SEC61A2: variants seen among roughly 807,000 people sequenced by gnomAD.
SEC61A2 encodes protein transport protein Sec61 subunit alpha isoform 2.
A neutral mutation model predicts 59.9 loss-of-function variants in SEC61A2; 28 were observed. The ratio of observed to expected loss-of-function variants is 0.47; its 90% CI spans 0.35 to 0.64. The LOEUF is 0.64. Among genes scored for constraint, SEC61A2 ranks in the 30% least tolerant of loss-of-function variants. The pLI, the probability that SEC61A2 is intolerant of heterozygous loss-of-function variation, is 0.01. For missense variants in SEC61A2, 340 were observed against 585.9 expected (o/e 0.58, Z 4.33); for synonymous variants, 202 against 214.4 (o/e 0.94, Z 0.50).
At position 12,143,878 on chromosome 10, in the gene SEC61A2, G is replaced by A. The variant is rs948109706; in HGVS notation, c.220+683G>A. On this transcript the variant is annotated intron_variant, in intron 4 of 11. Transcript: ENST00000298428. This position sits in a 1 kb window ranked among gnomAD's most constrained non-coding sequence, Gnocchi z 4.8. ...TAGCAAGGGGTACAACCAGTCGTGA[G>A]GTTTCTTACATTTAGGAACAGTGGT... Among the ~76,000 whole-genome samples the A allele has an allele frequency of 6.6e-6, 1 of 152,152 alleles. No homozygotes were observed. The highest frequency in any genetic ancestry group is 2.4e-5 in the African/African-American group (1 of 41,424).
At position 12,152,169 on chromosome 10, in the gene SEC61A2, C is replaced by T. The variant is rs528777106; in HGVS notation, c.462+2208C>T. 7.0e-4 allele frequency among the ~76,000 whole-genome samples: 106 copies of T among 151,672 alleles called. No individual in the cohort carries two copies. The highest frequency in any genetic ancestry group is 2.3e-3 in the African/African-American group (93 of 41,322). ...TGCAATCTTGGCTCACTGCAACCTC[C>T]GCCTCCCAGGTTCAAGCAATTCTGC... On this transcript the variant is annotated intron_variant, in intron 6 of 11. Coordinates refer to ENST00000298428, the MANE Select transcript of SEC61A2 (RefSeq NM_018144.4). The surrounding 1 kb of genome is among the most constrained non-coding windows in gnomAD (Gnocchi z 5.5).
intron 1 of SEC61A2, chr10:12,130,635 T>C (rs921074186): frequency 6.5e-6 from 1 of 154,112 alleles, no homozygotes; most frequent in Admixed American, 6.6e-5. Context: ...TGGATTGAGG[T>C]GGAGAGGAAA....
Position 12,158,122 on chromosome 10 carries a change from TTTACA to T in SEC61A2, c.975+21_975+25del. The T allele has an allele frequency of 6.4e-7, 1 of 1,564,316 alleles. No homozygotes were observed. The highest frequency in any genetic ancestry group is 8.8e-7 in the Non-Finnish European group (1 of 1,137,796). Reference sequence around the variant, plus strand: ...CAGTGGGCCGTGAGTATTATGTTTATTTACATTATTTATAGTTTATTATAATTTGC... The same window carrying T: ...CAGTGGGCCGTGAGTATTATGTTTATTTATTTATAGTTTATTATAATTTGC... On this transcript the variant is annotated intron_variant, in intron 9 of 11. Transcript: ENST00000298428. The surrounding 1 kb of genome is among the most constrained non-coding windows in gnomAD (Gnocchi z 5.7).
intron 6 of SEC61A2, among the ~76,000 whole-genome samples, chr10:12,151,821 A>T (rs1834282332): frequency 6.6e-6 from 1 of 151,188 alleles, no homozygotes; most frequent in East Asian, 2.0e-4. Context: ...CAATGGTGCA[A>T]TCTCAGCTCG....
At position 12,137,106 on chromosome 10, in the gene SEC61A2, A is replaced by G. The variant is rs368821024; in HGVS notation, c.141+936A>G. On this transcript the variant is annotated intron_variant, in intron 3 of 11. Transcript: ENST00000298428. ...TTGTTTTTAAATAGAGACGGGGTCT[A>G]TGTTGCCCAGGCTGGTCTCCAGCTC... Among the ~76,000 whole-genome samples, 12 of 149,966 alleles carry G rather than the reference A, an allele frequency of 8.0e-5. No homozygotes were observed. In the East Asian group the frequency reaches 8.1e-4, roughly 10 times the overall value.
chr10:12,156,695 A>G lies in SEC61A2; in HGVS notation c.617-212A>G, dbSNP rs1294435573. ...TTCTTCAAGAATAGTCTCTTGAGAA[A>G]ACTTCGGATTTATGCTATAAAAACA... On this transcript the variant is annotated intron_variant, in intron 7 of 11. Coordinates refer to ENST00000298428, the MANE Select transcript of SEC61A2 (RefSeq NM_018144.4). This position sits in a 1 kb window ranked among gnomAD's most constrained non-coding sequence, Gnocchi z 5.2. Among the ~76,000 whole-genome samples, 1 of 152,208 alleles carries G rather than the reference A, an allele frequency of 6.6e-6. No homozygotes were observed. The highest frequency in any genetic ancestry group is 2.4e-5 in the African/African-American group (1 of 41,440).
At chr10:12,159,834 A>G (rs542855125) in intron 9 of SEC61A2, among the ~76,000 whole-genome samples, 25 of 132,814 alleles carry the variant, frequency 1.9e-4, no homozygotes, top group African/African-American at 6.1e-4. Flanking sequence ...TTGTCTTAAT[A>G]TGCTTTTTTT....
At chr10:12,167,525 A>T (rs759370227), downstream of SEC61A2, 4 of 568,824 alleles carry the variant, frequency 7.0e-6, no homozygotes, top group Non-Finnish European at 1.2e-5. Flanking sequence ...AACAAATTTA[A>T]AGGAAGGTCA....
Position 12,161,668 on chromosome 10 carries a change from G to C in SEC61A2, c.1168-545G>C, listed in dbSNP as rs1004565157. On this transcript the variant is annotated intron_variant, in intron 10 of 11. Transcript: ENST00000298428. This position sits in a 1 kb window ranked among gnomAD's most constrained non-coding sequence, Gnocchi z 5.4. ...AGGCAGGAGAATCGCTTGAACCTGG[G>C]AGTCGGAGGTTGCAGTGAGCTGAGA... 4.6e-5 allele frequency among the ~76,000 whole-genome samples: 7 copies of C among 152,164 alleles called. No homozygotes were observed. Among genetic ancestry groups the C allele is most frequent in the African/African-American group, 1.4e-4 (6 of 41,434 alleles).
intron 4 of SEC61A2, among the ~76,000 whole-genome samples, chr10:12,146,722 G>T (rs1304370618): frequency 1.3e-5 from 2 of 151,772 alleles, no homozygotes; most frequent in Admixed American, 1.3e-4. Flanking sequence ...GTTTCACCAT[G>T]TTAGCCAGGA....
Position 12,152,546 on chromosome 10 carries a change from G to A in SEC61A2, c.462+2585G>A, listed in dbSNP as rs1834300748. On this transcript the variant is annotated intron_variant, in intron 6 of 11. Transcript: ENST00000298428. This position sits in a 1 kb window ranked among gnomAD's most constrained non-coding sequence, Gnocchi z 5.5. ...AGGCCGAGATGGGCAGTTCACTTGA[G>A]GTCAGGAGTTTGAGACCAGTCTGGG... Among the ~76,000 whole-genome samples, 1 of 152,090 alleles carries A rather than the reference G, an allele frequency of 6.6e-6. No individual in the cohort carries two copies. The highest frequency in any genetic ancestry group is 1.5e-5 in the Non-Finnish European group (1 of 68,022).
At position 12,155,955 on chromosome 10, in the gene SEC61A2, T is replaced by C. The variant is rs1170099203; in HGVS notation, c.616+24T>C. ...AGGTACATCGCACAGCGACTGCAAC[T>C]GCACGCGTTTTGCTGGATGTGTGCT... On this transcript the variant is annotated intron_variant, in intron 7 of 11. Transcript: ENST00000298428. This position sits in a 1 kb window ranked among gnomAD's most constrained non-coding sequence, Gnocchi z 4.3. 6.2e-7 allele frequency: 1 copy of C among 1,613,748 alleles called. No individual in the cohort carries two copies. The highest frequency in any genetic ancestry group is 2.2e-5 in the East Asian group (1 of 44,882).
Position 12,162,591 on chromosome 10 carries a change from G to A in SEC61A2, c.1244+302G>A. On this transcript the variant is annotated intron_variant, in intron 11 of 11. Coordinates refer to ENST00000298428, the MANE Select transcript of SEC61A2 (RefSeq NM_018144.4). This position sits in a 1 kb window ranked among gnomAD's most constrained non-coding sequence, Gnocchi z 6.1. ...TTTTAAAAAGGATTTCCCAGGAACT[G>A]TGGCTTATTTGGTCTGGGGTGAGTT... 2 of 481,062 alleles carry A rather than the reference G, an allele frequency of 4.2e-6. No homozygotes were observed. The highest frequency in any genetic ancestry group is 2.0e-5 in the South Asian group (1 of 49,770). The allele number at this position is 481,062 out of a possible 1,614,324, so 29.8% of individuals were successfully genotyped here.
intron 6 of SEC61A2, among the ~76,000 whole-genome samples, chr10:12,151,628 GT>G (rs1834278505): frequency 6.6e-6 from 1 of 151,730 alleles, no homozygotes; most frequent in African/African-American, 2.4e-5. Flanking sequence ...TTTTCTGTCT[GT>G]TCAAAAGATC....
intron 3 of SEC61A2, among the ~76,000 whole-genome samples, chr10:12,137,329 G>GT (rs1428749751): frequency 5.3e-5 from 8 of 150,710 alleles, no homozygotes; most frequent in African/African-American, 1.2e-4. Flanking sequence ...TTGTTTTTTG[G>GT]TTTTTTTTTG....
Position 12,143,844 on chromosome 10 carries a change from C to T in SEC61A2, c.220+649C>T, listed in dbSNP as rs1166940452. The stretch of plus-strand genomic sequence containing the variant: ...GGAAATTGTGGCTGAGGATGCTGGA[C>T]AGTGAGAGTAGCAAGGGGTACAACC... On this transcript the variant is annotated intron_variant, in intron 4 of 11. Coordinates refer to ENST00000298428, the MANE Select transcript of SEC61A2 (RefSeq NM_018144.4). The surrounding 1 kb of genome is among the most constrained non-coding windows in gnomAD (Gnocchi z 4.8). 6.6e-6 allele frequency among the ~76,000 whole-genome samples: 1 copy of T among 152,162 alleles called. No homozygotes were observed. The highest frequency in any genetic ancestry group is 1.9e-4 in the East Asian group (1 of 5,188).
chr10:12,139,309 A>G (rs1056214052), intron 3 of SEC61A2, among the ~76,000 whole-genome samples: 2 of 151,176 alleles, frequency 1.3e-5, no homozygotes, highest in Admixed American at 6.6e-5. Context: ...CTGGAGTTCC[A>G]GTTGATCTGC....
chr10:12,151,396 C>A (rs1834270884), intron 6 of SEC61A2, among the ~76,000 whole-genome samples: 2 of 150,322 alleles, frequency 1.3e-5, no homozygotes, highest in South Asian at 4.1e-4. Flanking sequence ...ACTGCAACCT[C>A]CCCTTCCTGG....
intron 11 of SEC61A2, among the ~76,000 whole-genome samples, chr10:12,163,218 A>G (rs545351291): frequency 4.0e-5 from 6 of 151,552 alleles, no homozygotes; most frequent in African/African-American, 1.2e-4. Flanking sequence ...GCACAATCAC[A>G]GCTCACCGCA....
Sources: allele counts gnomAD v4.1 joint callset (sites outside exome capture counted in the v4.1 genomes callset), GRCh38; gene constraint gnomAD v4.1.1; non-coding constraint Gnocchi (gnomAD v3.1); transcripts MANE v1.5; gene names NCBI Gene and HGNC (gene_info 2026-07-23, HGNC 2026-07-21).